The following NUP85 variants were observed in gnomAD, a reference collection of about 807,000 sequenced individuals.
NUP85 encodes the protein nuclear pore complex protein Nup85.
In NUP85, 23 loss-of-function variants were observed where a neutral mutation model predicts 92.8. The observed-to-expected ratio is 0.25, with a 90% CI of 0.18 to 0.35. The LOEUF is 0.35. Ranked by LOEUF, NUP85 falls within the 10% of genes least tolerant of loss-of-function variation. The pLI is 1.00. For synonymous variants in NUP85, 314 were observed against 306.9 expected, an observed-to-expected ratio of 1.02 and a Z score of -0.24; for missense variants, 759 against 822.8, an observed-to-expected ratio of 0.92 and a Z score of 0.95.
chr17:75,228,675 G>T, intron 11 of NUP85: 1 of 985,408 alleles, frequency 1.0e-6, no homozygotes, highest in Middle Eastern at 5.2e-4. Flanking sequence ...TGAGCTGTTG[G>T]CATGCCTTTT....
rs1010465440 is a variant in NUP85 at position 75,234,090 on chromosome 17, C to T, written c.1616-547C>T. Among the ~76,000 whole-genome samples, 10 of 144,134 alleles carry T rather than the reference C, an allele frequency of 6.9e-5. No individual in the cohort carries two copies. The South Asian group carries it at 1.5e-3, about 22-fold the overall frequency. The allele number at this position is 144,134 out of a possible 152,430, so 94.6% of individuals were successfully genotyped here. ...TTTTTGAGACGGAGTCTCACTCTGT[C>T]GCCCACGCTGGAGTGCAGTGGTACA... On this transcript the variant is annotated intron_variant, in intron 16 of 18. Transcript: ENST00000245544.
chr17:75,212,568 G>C (rs2075310507), intron 4 of NUP85, among the ~76,000 whole-genome samples: 1 of 149,976 alleles, frequency 6.7e-6, no homozygotes, highest in Non-Finnish European at 1.5e-5. Flanking sequence ...CACCGCCTGG[G>C]CTCAAGTGAT....
chr17:75,233,043 G>T lies in NUP85; in HGVS notation c.1515-15G>T. 1 of 1,613,988 alleles carries T rather than the reference G, an allele frequency of 6.2e-7. No individual in the cohort carries two copies. The highest frequency in any genetic ancestry group is 8.5e-7 in the Non-Finnish European group (1 of 1,179,874). On this transcript the variant is annotated splice_polypyrimidine_tract_variant and intron_variant, in intron 15 of 18. Transcript: ENST00000245544. ...CCTGAGACTGCTGCTCTGATCTCTG[G>T]GCCGGGCCCTGCAGGTTCCTCAGGG...
Position 75,235,577 on chromosome 17 carries a change from GGAT to G in NUP85, c.1875_1877del (p.Asp626del), listed in dbSNP as rs771470569. 1.8e-5 allele frequency: 29 copies of G among 1,611,776 alleles called. No individual in the cohort carries two copies. The highest frequency in any genetic ancestry group is 1.4e-4 in the South Asian group (13 of 91,042). On this transcript the variant is annotated inframe_deletion and splice_region_variant, in exon 19 of 19. Transcript: ENST00000245544. ...TCATGCTGGCGCTCTCTGCTTTGCAGGATGATGACATAGAGACCACCAAGGTGG... is the reference window on the plus strand; with the variant it reads ...TCATGCTGGCGCTCTCTGCTTTGCAGGATGACATAGAGACCACCAAGGTGG...
intron 1 of NUP85, among the ~76,000 whole-genome samples, chr17:75,206,183 T>C (rs1042672515): frequency 6.6e-6 from 1 of 152,192 alleles, no homozygotes; most frequent in East Asian, 1.9e-4. Context: ...CTGTGTGGCC[T>C]AAGGTTTATT....
At chr17:75,235,502 G>A (rs1446563110) in intron 18 of NUP85, 76 bp from the exon 19 acceptor site, 7 of 1,017,048 alleles carry the variant, frequency 6.9e-6, no homozygotes, top group Non-Finnish European at 1.1e-5. Context: ...TCTACCTTTG[G>A]ATTAGCTAGA....
At chr17:75,214,998 C>T (rs973408390) in intron 5 of NUP85, among the ~76,000 whole-genome samples, 39 of 151,662 alleles carry the variant, frequency 2.6e-4, no homozygotes, top group Admixed American at 4.0e-4. Context: ...GGTGAAACCT[C>T]GTCTCTACTA....
intron 7 of NUP85, among the ~76,000 whole-genome samples, chr17:75,218,635 G>A (rs2075507525): frequency 7.1e-6 from 1 of 140,132 alleles, no homozygotes; most frequent in Non-Finnish European, 1.5e-5. Context: ...GGGTGCGGTG[G>A]CTCATGCCTG....
In NUP85 at chr17:75,212,035, T is replaced by C. The variant is rs757054980; in HGVS notation, c.334T>C (p.Cys112Arg). 4 of 1,613,662 alleles carry C rather than the reference T, an allele frequency of 2.5e-6. No homozygotes were observed. Among genetic ancestry groups the C allele is most frequent in the South Asian group, 1.1e-5 (1 of 91,012 alleles). Residue 112 changes from cysteine to arginine, a missense_variant, in exon 4 of 19, where the codon TGT (cysteine) becomes CGT (arginine). Cys to Arg is a radical substitution (Grantham distance 180). Coordinates refer to ENST00000245544, the MANE Select transcript of NUP85 (RefSeq NM_024844.5). ...AAACTACCGATCAGTCATCAGAGCA[T>C]GTATGGAGGAAATGCACCAGGTTGC... ...SKNYRSVIRA[C>R]MEEMHQVAIA... is the part of the protein sequence containing the mutation.
chr17:75,212,106 G>A lies in NUP85; in HGVS notation c.361+44G>A, dbSNP rs750194597. On this transcript the variant is annotated intron_variant, in intron 4 of 18. Transcript: ENST00000245544. ...TGCGCGCGTGTGTGTGTGTGTGTGT[G>A]TGTGGGTATTTTGAGTATTTATCTA... 4.9e-6 allele frequency: 7 copies of A among 1,415,672 alleles called. No homozygotes were observed. The South Asian group carries it at 7.1e-5, about 14-fold the overall frequency. 87.7% of individuals were successfully genotyped at this position (1,415,672 alleles called of 1,614,324 possible).
chr17:75,234,240 T>C (rs1004822725), intron 16 of NUP85, among the ~76,000 whole-genome samples: 2 of 151,672 alleles, frequency 1.3e-5, no homozygotes, highest in African/African-American at 2.4e-5. Flanking sequence ...TTAGTAGAAA[T>C]GGGGTTTCAC....
chr17:75,235,428 C>T (rs1160666966), intron 18 of NUP85, 150 bp from the exon 19 acceptor site: 1 of 624,178 alleles, frequency 1.6e-6, no homozygotes, highest in East Asian at 2.7e-5. Context: ...CCAGTATGGC[C>T]CTTTGGTATT....
Position 75,218,247 on chromosome 17 carries a change from T to C in NUP85, c.538T>C (p.Leu180=). The C allele has an allele frequency of 6.2e-7, 1 of 1,613,938 alleles. No individual in the cohort carries two copies. Among genetic ancestry groups the C allele is most frequent in the Non-Finnish European group, 8.5e-7 (1 of 1,179,918 alleles). Residue 180 remains leucine (L), a synonymous_variant, in exon 7 of 19, where the codon TTG becomes CTG. Coordinates refer to ENST00000245544, the MANE Select transcript of NUP85 (RefSeq NM_024844.5). The part of the protein sequence containing the change: ...VRLHVCEVDS[L]SADVLGSENP... ...GCTCCATGTGTGCGAGGTGGACAGTTTGTCGGCAGATGTTCTGGGCAGTGA... is the reference window on the plus strand; with the variant it reads ...GCTCCATGTGTGCGAGGTGGACAGTCTGTCGGCAGATGTTCTGGGCAGTGA...
At chr17:75,230,407 C>T (rs1484397310) in intron 11 of NUP85, among the ~76,000 whole-genome samples, 1 of 148,032 alleles carries the variant, frequency 6.8e-6, no homozygotes, top group Non-Finnish European at 1.5e-5. Flanking sequence ...TCGCCCAGGC[C>T]GGAGTACAAT....
At chr17:75,216,528 G>A (rs1352452913) in intron 6 of NUP85, among the ~76,000 whole-genome samples, 1 of 152,178 alleles carries the variant, frequency 6.6e-6, no homozygotes, top group Non-Finnish European at 1.5e-5. Context: ...GTCTCCCAAA[G>A]TGCAGGGATT....
chr17:75,220,310 G>A (rs532388417), intron 7 of NUP85, among the ~76,000 whole-genome samples: 1 of 151,838 alleles, frequency 6.6e-6, no homozygotes, highest in East Asian at 2.0e-4. Flanking sequence ...TTTTTAGTAG[G>A]GATGGGGTTT....
Position 75,235,001 on chromosome 17 carries a change from G to A in NUP85, c.1768-99G>A, listed in dbSNP as rs112734534. The A allele has an allele frequency of 1.1e-3, 1,221 of 1,084,928 alleles. 15 individuals are homozygous for A. The African/African-American group carries it at 0.016, about 14-fold the overall frequency. The allele number at this position is 1,084,928 out of a possible 1,614,324, so 67.2% of individuals were successfully genotyped here. On this transcript the variant is annotated intron_variant, in intron 17 of 18. Coordinates refer to ENST00000245544, the MANE Select transcript of NUP85 (RefSeq NM_024844.5). The stretch of plus-strand genomic sequence containing the variant: ...ATTCGTATACAAAGCACACTATTGC[G>A]AAGGGTATGAAAGGAAGAACGTCCG...
At position 75,205,699 on chromosome 17, in the gene NUP85, C is replaced by G. The variant is rs1169149842; in HGVS notation, c.-63C>G. 4.4e-6 allele frequency: 7 copies of G among 1,600,970 alleles called. No homozygotes were observed. Among genetic ancestry groups the G allele is most frequent in the Non-Finnish European group, 6.0e-6 (7 of 1,168,314 alleles). On this transcript the variant is annotated 5_prime_UTR_variant, in exon 1 of 19. Transcript: ENST00000245544. ...GTCTTGTCTCGCAGCCAGCTCTGAG[C>G]GGGAGGCCTGAGCGGGAAGCATTGG...
chr17:75,233,122 C>A lies in NUP85; in HGVS notation c.1579C>A (p.Pro527Thr). The change falls in exon 16 of 19, where the codon CCA (proline) becomes ACA (threonine). Residue 527 changes from proline to threonine, a missense_variant. By Grantham distance (38) the Pro-to-Thr change is conservative (BLOSUM62 -1). Coordinates refer to ENST00000245544, the MANE Select transcript of NUP85 (RefSeq NM_024844.5). ...SDLDLIDNLGPAMMLSDRLTF... is the reference protein window; with the variant it reads ...SDLDLIDNLGTAMMLSDRLTF... ...TTTGGATCTCATTGACAACCTGGGG[C>A]CAGCCATGATGCTCAGTGACCGACT... is the stretch of plus-strand genomic sequence containing the variant. 1 of 1,614,144 alleles carries A rather than the reference C, an allele frequency of 6.2e-7. No homozygotes were observed. The highest frequency in any genetic ancestry group is 8.5e-7 in the Non-Finnish European group (1 of 1,180,018).
Sources: gnomAD v4.1 joint callset for allele counts (sites outside exome capture counted in the v4.1 genomes callset) on GRCh38, gnomAD v4.1.1 for gene constraint, MANE v1.5 for transcripts, NCBI Gene and HGNC (gene_info 2026-07-23, HGNC 2026-07-21) for gene names.